TENM4: variants seen among roughly 807,000 people sequenced by gnomAD.
TENM4 encodes the protein teneurin transmembrane protein 4.
TENM4 carries 82 observed loss-of-function variants against 243.3 expected under a neutral mutation model. That is an observed-to-expected ratio of 0.34 (90% CI 0.28 to 0.40). TENM4 has a LOEUF of 0.40. Among genes scored for constraint, TENM4 ranks in the 10% least tolerant of loss-of-function variants. The pLI, the probability that TENM4 is intolerant of heterozygous loss-of-function variation, is 1.00. For synonymous variants in TENM4, 1,412 were observed against 1,456.3 expected, an observed-to-expected ratio of 0.97 and a Z score of 0.69; for missense variants, 3,138 against 3,673.3, an observed-to-expected ratio of 0.85 and a Z score of 3.77.
At chr11:78,975,035 T>C (rs1857620230) in intron 6 of TENM4, among the ~76,000 whole-genome samples, 1 of 151,918 alleles carries the variant, frequency 6.6e-6, no homozygotes, top group African/African-American at 2.4e-5. Flanking sequence ...GCAACCTCTC[T>C]GTGTGAAGCC....
intron 1 of TENM4, among the ~76,000 whole-genome samples, chr11:79,320,470 A>C (rs983242465): frequency 6.6e-6 from 1 of 152,206 alleles, no homozygotes; most frequent in Non-Finnish European, 1.5e-5. Flanking sequence ...ATGATGTGAC[A>C]GGTGAGTTAT....
At chr11:78,903,117 C>T in intron 7 of TENM4, 151 bp downstream of exon 7, 1 of 1,157,440 alleles carries the variant, frequency 8.6e-7, no homozygotes, top group Non-Finnish European at 1.1e-6. Context: ...TGCTGGCAGT[C>T]AGGGAACCGC....
chr11:79,281,954 T>C (rs1162650378), intron 2 of TENM4, among the ~76,000 whole-genome samples: 1 of 152,216 alleles, frequency 6.6e-6, no homozygotes, highest in Admixed American at 6.5e-5. Flanking sequence ...CTGCTGGTTC[T>C]GCTTGGGCCT....
chr11:79,100,603 C>T (rs538272601), intron 4 of TENM4, among the ~76,000 whole-genome samples: 59 of 152,190 alleles, frequency 3.9e-4, no homozygotes, highest in African/African-American at 1.4e-3. Flanking sequence ...CATCCCTGTA[C>T]CTATGGCGCT....
chr11:79,346,480 T>G (rs1857328777), intron 1 of TENM4, among the ~76,000 whole-genome samples: 1 of 152,196 alleles, frequency 6.6e-6, no homozygotes, highest in African/African-American at 2.4e-5. Context: ...ATGTGTTTAT[T>G]GAACACTCAT....
intron 1 of TENM4, among the ~76,000 whole-genome samples, chr11:79,298,463 C>T (rs575643042): frequency 0.011 from 1,505 of 139,932 alleles, 18 homozygotes; most frequent in Middle Eastern, 0.041. Flanking sequence ...TGCAGTGAGC[C>T]GAGATTGCGC....
At chr11:79,142,356 A>G (rs1862302549) in intron 4 of TENM4, among the ~76,000 whole-genome samples, 1 of 152,140 alleles carries the variant, frequency 6.6e-6, no homozygotes, top group African/African-American at 2.4e-5. Flanking sequence ...CAGAAAAAAA[A>G]ATTAAGAATG....
chr11:79,221,069 C>T (rs962877438), intron 2 of TENM4: 6 of 152,154 alleles, frequency 3.9e-5, no homozygotes, highest in Admixed American at 2.6e-4. Context: ...GCCAATCCTC[C>T]CAGGCCTCTG....
Position 78,658,156 on chromosome 11 carries a change from C to G in TENM4, c.8212G>C (p.Asp2738His). The G allele has an allele frequency of 1.2e-6, 2 of 1,614,024 alleles. No individual in the cohort carries two copies. The highest frequency in any genetic ancestry group is 1.1e-5 in the South Asian group (1 of 91,080). ...VLSTGRVQGY[D>H]GFFVISVEQY... ...TCGACAGAGATCACGAAAAAGCCGT[C>G]GTAGCCTTGCACCCGCCCTGTGCTC... is the stretch of plus-strand genomic sequence containing the variant. The change falls in exon 34 of 34, where the codon GAC (aspartate) becomes CAC (histidine). Residue 2738 changes from aspartate (D) to histidine (H), a missense_variant. By Grantham distance (81) the Asp-to-His change is moderately conservative (BLOSUM62 -1). Coordinates refer to ENST00000278550, the MANE Select transcript of TENM4 (RefSeq NM_001098816.3).
chr11:78,768,317 G>C (rs1263361023), intron 18 of TENM4, among the ~76,000 whole-genome samples: 1 of 152,174 alleles, frequency 6.6e-6, no homozygotes, highest in Non-Finnish European at 1.5e-5. Context: ...TTCCCAGCTG[G>C]TTCTATTTCC....
chr11:78,995,195 A>G (rs1181608701), intron 6 of TENM4, among the ~76,000 whole-genome samples: 4 of 152,224 alleles, frequency 2.6e-5, no homozygotes, highest in African/African-American at 9.7e-5. Flanking sequence ...AAGATAATCA[A>G]AAGCACAGAG....
At position 78,805,434 on chromosome 11, in the gene TENM4, G is replaced by T; in HGVS notation, c.2037C>A (p.His679Gln). 6.2e-7 allele frequency: 1 copy of T among 1,600,936 alleles called. No individual in the cohort carries two copies. Residue 679 changes from histidine (H) to glutamine (Q), a missense_variant, in exon 15 of 34, where the codon CAC becomes CAA. Around this residue, in one of 2 missense-constraint regions of TENM4, gnomAD observed 2,467 missense variants for 3,059.1 expected, o/e 0.81. Coordinates refer to ENST00000278550, the MANE Select transcript of TENM4 (RefSeq NM_001098816.3). ...GRGVCVRGEC[H>Q]CSVGWGGTNC... ...TGGTGCCTCCCCATCCCACAGAGCA[G>T]TGGCATTCGCCTCTCACGCAGACAC...
chr11:79,416,117 A>G (rs1858807669), intron 1 of TENM4, among the ~76,000 whole-genome samples: 1 of 152,188 alleles, frequency 6.6e-6, no homozygotes, highest in Admixed American at 6.5e-5. Flanking sequence ...TGGATATACC[A>G]CAATGTGTTT....
At chr11:78,923,256 C>T (rs571360213) in intron 6 of TENM4, among the ~76,000 whole-genome samples, 1 of 152,192 alleles carries the variant, frequency 6.6e-6, no homozygotes, top group South Asian at 2.1e-4. Flanking sequence ...GAACCAAGGG[C>T]CCTGTATTTT....
chr11:79,357,126 C>T (rs997010438), intron 1 of TENM4, among the ~76,000 whole-genome samples: 2 of 152,164 alleles, frequency 1.3e-5, no homozygotes, highest in African/African-American at 2.4e-5. Flanking sequence ...CCACATGGTG[C>T]GAGATGCTTC....
At chr11:79,135,749 A>AT (rs139570242) in intron 4 of TENM4, among the ~76,000 whole-genome samples, 29,128 of 147,122 alleles carry the variant, frequency 0.2, 3,105 homozygotes, top group East Asian at 0.35. Context: ...CATCATATAT[A>AT]CATATATGTA....
At chr11:78,860,195 G>A (rs1858782791) in intron 10 of TENM4, among the ~76,000 whole-genome samples, 1 of 152,228 alleles carries the variant, frequency 6.6e-6, no homozygotes, top group East Asian at 1.9e-4. Flanking sequence ...TGGACTTCTG[G>A]GATTTTAATA....
chr11:78,958,531 C>T (rs534465402), intron 6 of TENM4, among the ~76,000 whole-genome samples: 1 of 152,228 alleles, frequency 6.6e-6, no homozygotes, highest in Non-Finnish European at 1.5e-5. Flanking sequence ...GCTACTTCCC[C>T]TGTTTTCTTC....
At chr11:78,882,859 AG>A (rs1855460895) in intron 9 of TENM4, among the ~76,000 whole-genome samples, 1 of 152,236 alleles carries the variant, frequency 6.6e-6, no homozygotes, top group Non-Finnish European at 1.5e-5. Flanking sequence ...ACTTCAAGCA[AG>A]GGTTCTGATT....
Sources: allele counts gnomAD v4.1 joint callset (sites outside exome capture counted in the v4.1 genomes callset), GRCh38; gene constraint gnomAD v4.1.1; regional missense constraint gnomAD v4.1.1; transcripts MANE v1.5; gene names NCBI Gene and HGNC (gene_info 2026-07-23, HGNC 2026-07-21).